CRISP1: variants seen among roughly 807,000 people sequenced by gnomAD.
The protein encoded by CRISP1 is cysteine rich secretory protein 1, also known as cysteine-rich secretory protein 1.
CRISP1 carries 44 observed loss-of-function variants against 33.1 expected under a neutral mutation model. The ratio of observed to expected loss-of-function variants is 1.33; its 90% confidence interval spans 1.05 to 1.71. The LOEUF is 1.71. CRISP1 is among the 40% of genes most tolerant of loss of function. The pLI is 0.00. For synonymous variants in CRISP1, 103 were observed against 98.7 expected (o/e 1.04, Z -0.26); for missense variants, 390 against 301.2 (o/e 1.29, Z -2.18).
intron 5 of CRISP1, among the ~76,000 whole-genome samples, chr6:49,846,190 G>T (rs1016316556): frequency 3.3e-5 from 5 of 152,180 alleles, no homozygotes; most frequent in Admixed American, 3.3e-4. Flanking sequence ...TAAAACTAAA[G>T]TTAGAAATCA....
At chr6:49,869,280 C>G (rs1856852), upstream of CRISP1, among the ~76,000 whole-genome samples, 151,231 of 152,234 alleles carry the variant, frequency 0.99, 75,123 homozygotes, top group Middle Eastern at 1. Flanking sequence ...TTTGTTGGTG[C>G]GAAGCCCTAG....
rs1389608309 is a variant in CRISP1, at chr6:49,835,366, T to C, written c.700A>G (p.Thr234Ala). 2 of 1,613,772 alleles carry C rather than the reference T, an allele frequency of 1.2e-6. No individual in the cohort carries two copies. The highest frequency in any genetic ancestry group is 2.2e-5 in the East Asian group (1 of 44,840). ...VHYLGCNHST[T>A]ILFCKATCLC... ...CAAGTGGCTTTACAGAATAGGATAG[T>C]TGTTGAGTGGTTGCATCCCAGATAA... Residue 234 changes from threonine to alanine, a missense_variant, in exon 8 of 8, where the codon ACT becomes GCT. Physicochemically the swap from Thr to Ala is moderately conservative, Grantham distance 58 (BLOSUM62 0). Transcript: ENST00000335847.
intron 2 of CRISP1, 59 bp from the exon 3 acceptor site, chr6:49,852,188 A>G: frequency 6.4e-7 from 1 of 1,557,646 alleles, no homozygotes; most frequent in Non-Finnish European, 8.7e-7. Flanking sequence ...TGTCACATAT[A>G]TTTTGCAGAC....
intron 1 of CRISP1, among the ~76,000 whole-genome samples, chr6:49,872,682 G>A (rs1416789287): frequency 6.6e-6 from 1 of 151,998 alleles, no homozygotes; most frequent in Non-Finnish European, 1.5e-5. Context: ...TCTTGTTTTT[G>A]TCAGGTTTGT....
At chr6:49,855,792 A>G (rs1367501400) in intron 2 of CRISP1, among the ~76,000 whole-genome samples, 2 of 152,184 alleles carry the variant, frequency 1.3e-5, no homozygotes, top group African/African-American at 2.4e-5. Flanking sequence ...AATATGATTC[A>G]GGTCTGGTGG....
At chr6:49,837,852 G>A (rs991885771) in intron 7 of CRISP1, among the ~76,000 whole-genome samples, 2 of 151,474 alleles carry the variant, frequency 1.3e-5, no homozygotes, top group African/African-American at 2.4e-5. Flanking sequence ...AACAGAAATG[G>A]CACCCATTTG....
intron 1 of CRISP1, among the ~76,000 whole-genome samples, chr6:49,874,373 T>G (rs1771988317): frequency 1.3e-5 from 2 of 152,126 alleles, no homozygotes; most frequent in Non-Finnish European, 2.9e-5. Flanking sequence ...ATCATGATTT[T>G]CTTCCCTTCA....
intron 6 of CRISP1, among the ~76,000 whole-genome samples, chr6:49,840,403 T>C (rs1770945223): frequency 6.6e-6 from 1 of 152,198 alleles, no homozygotes; most frequent in Admixed American, 6.5e-5. Flanking sequence ...CAACAACTTT[T>C]TGACTAGATA....
intron 7 of CRISP1, 78 bp downstream of exon 7, chr6:49,838,359 T>A: frequency 1.9e-6 from 2 of 1,061,544 alleles, no homozygotes; most frequent in Admixed American, 4.4e-5. Flanking sequence ...GCGATGTTTT[T>A]TAATGCTTAA....
exon 1 of CRISP1, chr6:49,877,010 T>C (rs1772051267): frequency 6.6e-6 from 1 of 151,958 alleles, no homozygotes; most frequent in Non-Finnish European, 1.5e-5. Context: ...GTAACTAACC[T>C]GCACATGTAC....
chr6:49,845,740 T>G (rs1309501898), intron 5 of CRISP1, among the ~76,000 whole-genome samples: 1 of 144,478 alleles, frequency 6.9e-6, no homozygotes, highest in Non-Finnish European at 1.6e-5. Context: ...CAAATGCCCA[T>G]CAGAACAGAC....
At chr6:49,858,802 G>C (rs570553044) in intron 1 of CRISP1, among the ~76,000 whole-genome samples, 10 of 152,080 alleles carry the variant, frequency 6.6e-5, no homozygotes, top group Non-Finnish European at 1.5e-4. Context: ...ATAAAAGGGA[G>C]ATTCTGAGGG....
intron 1 of CRISP1, among the ~76,000 whole-genome samples, chr6:49,863,723 T>G (rs1426175509): frequency 6.6e-6 from 1 of 152,198 alleles, no homozygotes; most frequent in Non-Finnish European, 1.5e-5. Context: ...CCCTGGGGAA[T>G]GCACTCTCAT....
chr6:49,838,648 A>G (rs938352097), intron 6 of CRISP1, 123 bp from the exon 7 acceptor site: 1 of 643,452 alleles, frequency 1.6e-6, no homozygotes, highest in Non-Finnish European at 2.7e-6. Context: ...GAACAGTGAT[A>G]ATTTTTAAGA....
chr6:49,838,587 T>A, intron 6 of CRISP1, 62 bp from the exon 7 acceptor site: 1 of 1,292,726 alleles, frequency 7.7e-7, no homozygotes. Flanking sequence ...AAAACTTTAC[T>A]CACAGTGTAC....
Position 49,834,415 on chromosome 6 carries a change from C to T in CRISP1, c.*901G>A, listed in dbSNP as rs984927878. On this transcript the variant is annotated 3_prime_UTR_variant, in exon 8 of 8. Transcript: ENST00000335847. The stretch of plus-strand genomic sequence containing the variant: ...TTCAATATTCCCTAAGGCTTCAGTG[C>T]ATTTTACGTTAGTTGGCCTTAACTG... 6.6e-6 allele frequency: 1 copy of T among 152,074 alleles called. No individual in the cohort carries two copies. The highest frequency in any genetic ancestry group is 1.5e-5 in the Non-Finnish European group (1 of 68,000). 9.4% of individuals were successfully genotyped at this position (152,074 alleles called of 1,614,324 possible).
chr6:49,857,698 C>T (rs946069684), intron 1 of CRISP1, among the ~76,000 whole-genome samples: 3 of 152,140 alleles, frequency 2.0e-5, no homozygotes, highest in African/African-American at 7.2e-5. Context: ...AACTTCTAAT[C>T]AGCTAACATT....
At position 49,864,384 on chromosome 6, in the gene CRISP1, C is replaced by CTGTGTGTGTG. The variant is rs3997164; in HGVS notation, c.-3+2035_-3+2044dup. 4.7e-3 allele frequency among the ~76,000 whole-genome samples: 673 copies of CTGTGTGTGTG among 142,366 alleles called. 4 individuals are homozygous for CTGTGTGTGTG. Among genetic ancestry groups the CTGTGTGTGTG allele is most frequent in the South Asian group, 0.015 (63 of 4,300 alleles). 93.4% of individuals were successfully genotyped at this position (142,366 alleles called of 152,430 possible). ...TTTTAGTAAACACTGTTGCTATTCACTGTGTGTGTGTGTGTGTGTGTGTGT... is the reference window on the plus strand; with the variant it reads ...TTTTAGTAAACACTGTTGCTATTCACTGTGTGTGTGTGTGTGTGTGTGTGTGTGTGTGTGT... On this transcript the variant is annotated intron_variant, in intron 1 of 7. Coordinates refer to ENST00000335847, the MANE Select transcript of CRISP1 (RefSeq NM_001131.3).
chr6:49,839,263 T>G (rs1770905298), intron 6 of CRISP1, among the ~76,000 whole-genome samples: 1 of 89,818 alleles, frequency 1.1e-5, no homozygotes, highest in Non-Finnish European at 2.3e-5. Flanking sequence ...AAAAGCATCT[T>G]CATATCTACA....
Sources: gnomAD v4.1 joint callset for allele counts (sites outside exome capture counted in the v4.1 genomes callset) on GRCh38, gnomAD v4.1.1 for gene constraint, MANE v1.5 for transcripts, NCBI Gene and HGNC (gene_info 2026-07-23, HGNC 2026-07-21) for gene names.